AMPH: variants seen among roughly 807,000 people sequenced by gnomAD.
The protein encoded by AMPH is amphiphysin, also known as amphiphysin (Stiff-Mann syndrome with breast cancer 128kD autoantigen).
AMPH carries 49 observed loss-of-function variants against 99.1 expected under a neutral mutation model. That is an observed-to-expected ratio of 0.49 (90% confidence interval 0.39 to 0.63). The LOEUF (loss-of-function observed/expected upper bound fraction) is 0.63, where lower values mean the gene tolerates loss of function less well. Among genes scored for constraint, AMPH ranks in the 20% least tolerant of loss-of-function variants. The pLI is 0.00. For missense variants in AMPH, 759 were observed against 863.4 expected (o/e 0.88, Z 1.52); for synonymous variants, 314 against 317.3 (o/e 0.99, Z 0.11).
chr7:38,400,231 A>G (rs1784804626), intron 17 of AMPH, among the ~76,000 whole-genome samples: 1 of 152,050 alleles, frequency 6.6e-6, no homozygotes, highest in South Asian at 2.1e-4. Flanking sequence ...ACCTGCCACC[A>G]CACCTGGCTA....
rs115769796 is a variant in AMPH, at chr7:38,600,513, G to T, written c.69+30770C>A. Among the ~76,000 whole-genome samples the T allele has an allele frequency of 8.5e-3, 1,299 of 152,226 alleles. 17 individuals are homozygous for T. Among genetic ancestry groups the T allele is most frequent in the South Asian group, 0.034 (165 of 4,814 alleles). ...TTTTATTTTTAAAACAGGAATGAGTGGTGAACTTTATCATAACTTCTATAT... is the reference window on the plus strand; with the variant it reads ...TTTTATTTTTAAAACAGGAATGAGTTGTGAACTTTATCATAACTTCTATAT... On this transcript the variant is annotated intron_variant, in intron 1 of 20. Coordinates refer to ENST00000356264, the MANE Select transcript of AMPH (RefSeq NM_001635.4).
At chr7:38,589,709 C>T (rs530030198) in intron 1 of AMPH, among the ~76,000 whole-genome samples, 92 of 152,318 alleles carry the variant, frequency 6.0e-4, no homozygotes, top group African/African-American at 2.2e-3. Flanking sequence ...CACAGTATTT[C>T]ATATTACGTA....
At chr7:38,532,737 T>TG (rs1354081255) in intron 2 of AMPH, among the ~76,000 whole-genome samples, 51 of 118,656 alleles carry the variant, frequency 4.3e-4, no homozygotes, top group African/African-American at 1.5e-3. Context: ...TCAAGAAAGC[T>TG]GGGAAAAAAA....
intron 1 of AMPH, among the ~76,000 whole-genome samples, chr7:38,558,611 C>T (rs1441359750): frequency 6.6e-6 from 1 of 152,158 alleles, no homozygotes; most frequent in Non-Finnish European, 1.5e-5. Context: ...TAGTAAACAC[C>T]TGGTTAAGAA....
Position 38,394,128 on chromosome 7 carries a change from C to T in AMPH, c.1485G>A (p.Glu495=), listed in dbSNP as rs1456374086. ...EGAPGEEAEA[E]KATVPAGEGV... ...CTTCCCCGGCAGGGACAGTGGCCTTCTCCGCCTCTGCTTCCTCTCCTGGGG... is the reference window on the plus strand; with the variant it reads ...CTTCCCCGGCAGGGACAGTGGCCTTTTCCGCCTCTGCTTCCTCTCCTGGGG... Residue 495 remains glutamate, a synonymous_variant, in exon 18 of 21, where the codon GAG becomes GAA. Transcript: ENST00000356264. 1.2e-6 allele frequency: 2 copies of T among 1,614,230 alleles called. No individual in the cohort carries two copies. Among genetic ancestry groups the T allele is most frequent in the South Asian group, 2.2e-5 (2 of 91,086 alleles).
intron 5 of AMPH, among the ~76,000 whole-genome samples, chr7:38,486,434 T>C (rs1021822921): frequency 2.6e-5 from 4 of 151,944 alleles, no homozygotes; most frequent in African/African-American, 7.2e-5. Context: ...GGAGATTTAA[T>C]AGGCAACCAA....
chr7:38,512,901 A>G (rs985657920), intron 2 of AMPH, among the ~76,000 whole-genome samples: 1 of 152,240 alleles, frequency 6.6e-6, no homozygotes, highest in African/African-American at 2.4e-5. Flanking sequence ...GGCACCATGG[A>G]CAGCAACACC....
intron 7 of AMPH, among the ~76,000 whole-genome samples, chr7:38,471,685 G>A (rs1234662006): frequency 1.3e-5 from 2 of 152,248 alleles, no homozygotes; most frequent in East Asian, 3.9e-4. Context: ...GAGGCTGGCA[G>A]AATGGATAAA....
chr7:38,451,781 A>G (rs181906638), intron 11 of AMPH, among the ~76,000 whole-genome samples: 48 of 152,330 alleles, frequency 3.2e-4, no homozygotes, highest in Non-Finnish European at 4.9e-4. Context: ...TTTTAAAAGA[A>G]TAATGTAGGG....
chr7:38,568,715 G>A (rs1477421061), intron 1 of AMPH, among the ~76,000 whole-genome samples: 1 of 152,172 alleles, frequency 6.6e-6, no homozygotes, highest in African/African-American at 2.4e-5. Context: ...TGCAGGCAGT[G>A]CCTAATATCC....
intron 1 of AMPH, among the ~76,000 whole-genome samples, chr7:38,596,094 G>A (rs547875252): frequency 1.8e-4 from 28 of 152,224 alleles, no homozygotes; most frequent in African/African-American, 6.7e-4. Context: ...AAGATTGCTG[G>A]GTCAAATAGT....
At chr7:38,457,888 T>C (rs1000332804) in intron 11 of AMPH, among the ~76,000 whole-genome samples, 5 of 152,144 alleles carry the variant, frequency 3.3e-5, no homozygotes, top group African/African-American at 1.2e-4. Context: ...ATATGTGAAG[T>C]TTTGTGACTG....
intron 17 of AMPH, among the ~76,000 whole-genome samples, chr7:38,411,519 G>A (rs1785216315): frequency 6.6e-6 from 1 of 152,320 alleles, no homozygotes; most frequent in Admixed American, 6.5e-5. Context: ...TATCGTGCAG[G>A]TGAGGGATGG....
intron 1 of AMPH, among the ~76,000 whole-genome samples, chr7:38,563,540 C>T (rs1182895755): frequency 1.3e-5 from 2 of 152,136 alleles, no homozygotes; most frequent in African/African-American, 4.8e-5. Context: ...AATCTGGCCC[C>T]CAGGATCTGA....
chr7:38,441,341 G>C (rs1429421565), intron 11 of AMPH, among the ~76,000 whole-genome samples: 1 of 151,980 alleles, frequency 6.6e-6, no homozygotes, highest in Non-Finnish European at 1.5e-5. Flanking sequence ...ATAAGCAATG[G>C]TATAAAAGAT....
chr7:38,535,233 G>A (rs1026826577), intron 1 of AMPH, among the ~76,000 whole-genome samples: 4 of 151,406 alleles, frequency 2.6e-5, no homozygotes, highest in African/African-American at 9.7e-5. Context: ...AGGCTGTGTG[G>A]CTTTGAGCAA....
intron 1 of AMPH, among the ~76,000 whole-genome samples, chr7:38,551,028 A>G (rs1243043168): frequency 6.6e-6 from 1 of 152,130 alleles, no homozygotes; most frequent in Non-Finnish European, 1.5e-5. Flanking sequence ...AAAATGATAA[A>G]CCATCAGTGG....
chr7:38,388,332 T>C (rs1784400193), intron 20 of AMPH, among the ~76,000 whole-genome samples: 1 of 152,104 alleles, frequency 6.6e-6, no homozygotes, highest in African/African-American at 2.4e-5. Flanking sequence ...TTTCTTTGTA[T>C]TGGTAATTTA....
chr7:38,462,843 C>T (rs1351120088), intron 10 of AMPH, 132 bp downstream of exon 10: 1 of 1,005,890 alleles, frequency 9.9e-7, no homozygotes, highest in African/African-American at 1.6e-5. Context: ...ATCACAATGC[C>T]TAAAGCCTCA....
Sources: gnomAD v4.1 joint callset for allele counts (sites outside exome capture counted in the v4.1 genomes callset) on GRCh38, gnomAD v4.1.1 for gene constraint, MANE v1.5 for transcripts, NCBI Gene and HGNC (gene_info 2026-07-23, HGNC 2026-07-21) for gene names.